CALN1: variants seen among roughly 807,000 people sequenced by gnomAD.
CALN1 encodes calcium-binding protein 8.
In CALN1, 17 loss-of-function variants were observed where a neutral mutation model predicts 30.6. The observed-to-expected ratio is 0.56, with a 90% confidence interval of 0.38 to 0.83. CALN1 has a LOEUF of 0.83. Ranked by LOEUF, CALN1 falls within the 40% of genes least tolerant of loss-of-function variation. CALN1 has a pLI of 0.00. For synonymous variants in CALN1, 156 were observed against 131.4 expected (o/e 1.19, Z -1.28); for missense variants, 291 against 354.9 (o/e 0.82, Z 1.45).
At chr7:72,167,293 T>C (rs79370458) in intron 3 of CALN1, among the ~76,000 whole-genome samples, 7 of 152,236 alleles carry the variant, frequency 4.6e-5, no homozygotes, top group Admixed American at 1.3e-4. Flanking sequence ...GAGAAAACAA[T>C]AGTAGATTGA....
chr7:72,360,568 A>T (rs945347062), intron 2 of CALN1, among the ~76,000 whole-genome samples: 1 of 151,644 alleles, frequency 6.6e-6, no homozygotes, highest in African/African-American at 2.4e-5. Context: ...CGATAGCATT[A>T]GATAGAGAAA....
the CALN1 span, among the ~76,000 whole-genome samples, chr7:72,463,921 G>A: frequency 7.9e-6 from 1 of 127,242 alleles, no homozygotes; most frequent in East Asian, 2.7e-4. Flanking sequence ...GAAGCCAGGA[G>A]TTCAAGATCA....
At chr7:72,240,180 T>C (rs1015314406) in intron 3 of CALN1, among the ~76,000 whole-genome samples, 3 of 147,832 alleles carry the variant, frequency 2.0e-5, no homozygotes, top group African/African-American at 5.2e-5. Context: ...CTCGAAACAC[T>C]TGGGGAAATT....
chr7:72,178,734 CTTTA>C (rs1789551354), intron 3 of CALN1, among the ~76,000 whole-genome samples: 1 of 151,886 alleles, frequency 6.6e-6, no homozygotes, highest in African/African-American at 2.4e-5. Flanking sequence ...CAAACTCCCG[CTTTA>C]TTTTTCACTT....
At chr7:72,187,993 G>T (rs1790322683) in intron 3 of CALN1, among the ~76,000 whole-genome samples, 1 of 152,154 alleles carries the variant, frequency 6.6e-6, no homozygotes, top group South Asian at 2.1e-4. Flanking sequence ...TGTGGATGCG[G>T]TGAAAAGGAA....
Position 71,810,358 on chromosome 7 carries a change from G to C in CALN1, c.636C>G (p.Asn212Lys). The C allele has an allele frequency of 6.2e-7, 1 of 1,614,052 alleles. No homozygotes were observed. Among genetic ancestry groups the C allele is most frequent in the Non-Finnish European group, 8.5e-7 (1 of 1,179,984 alleles). Residue 212 changes from asparagine (N) to lysine (K), a missense_variant, in exon 6 of 7, where the codon AAC becomes AAG. Physicochemically the swap from Asn to Lys is moderately conservative, Grantham distance 94. Transcript: ENST00000395275. The part of the protein sequence containing the change: ...EEESLNETSG[N>K]CQTEFEGVHS... ...TACCTCCTTCAAACTCTGTTTGGCA[G>C]TTCCCCGAGGTCTCATTCAGGCTCT... is the stretch of plus-strand genomic sequence containing the variant.
intron 2 of CALN1, among the ~76,000 whole-genome samples, chr7:72,350,222 T>C (rs188460027): frequency 2.0e-5 from 3 of 152,172 alleles, no homozygotes; most frequent in Admixed American, 6.5e-5. Flanking sequence ...GGAAAGCAGT[T>C]TGGAGATTAC....
intron 6 of CALN1, among the ~76,000 whole-genome samples, chr7:71,790,436 CAAGT>C (rs1217277999): frequency 3.3e-5 from 5 of 151,718 alleles, no homozygotes; most frequent in African/African-American, 4.8e-5. Flanking sequence ...AGCAAGCAAG[CAAGT>C]GGGCTTTGAT....
intron 2 of CALN1, among the ~76,000 whole-genome samples, chr7:72,317,217 GAGAA>G (rs1200449486): frequency 6.1e-5 from 8 of 130,228 alleles, no homozygotes; most frequent in African/African-American, 8.6e-5. Context: ...GGGAGGAAGA[GAGAA>G]AGAAAGAGAA....
At chr7:72,277,752 G>A (rs1348214237) in intron 3 of CALN1, among the ~76,000 whole-genome samples, 3 of 152,126 alleles carry the variant, frequency 2.0e-5, no homozygotes, top group East Asian at 1.9e-4. Flanking sequence ...CCTTCTGGGA[G>A]AAATGAGGCT....
At chr7:72,375,374 G>A (rs1166344819) in intron 2 of CALN1, among the ~76,000 whole-genome samples, 5 of 151,762 alleles carry the variant, frequency 3.3e-5, no homozygotes, top group African/African-American at 4.8e-5. Context: ...AACAGCCTGG[G>A]CAACATAGTA....
chr7:72,235,680 G>GC (rs1794430220), intron 3 of CALN1, among the ~76,000 whole-genome samples: 1 of 79,286 alleles, frequency 1.3e-5, no homozygotes, highest in South Asian at 4.9e-4. Flanking sequence ...CCCCACCCCC[G>GC]CCCCCCTAAC....
intron 5 of CALN1, among the ~76,000 whole-genome samples, chr7:71,889,944 G>T (rs1793140834): frequency 6.7e-6 from 1 of 148,812 alleles, no homozygotes. Context: ...CAGCCTGGGT[G>T]ACAGATCTAG....
intron 2 of CALN1, among the ~76,000 whole-genome samples, chr7:72,370,704 T>C (rs1289095250): frequency 6.6e-6 from 1 of 152,182 alleles, no homozygotes; most frequent in Non-Finnish European, 1.5e-5. Flanking sequence ...GACAAATTTT[T>C]TTTCTGAGTT....
At chr7:71,798,170 AGAGAG>A (rs1390573648) in intron 6 of CALN1, among the ~76,000 whole-genome samples, 6 of 141,358 alleles carry the variant, frequency 4.2e-5, no homozygotes, top group Admixed American at 2.1e-4. Flanking sequence ...AGAGAGAGAG[AGAGAG>A]ATGTTGCTTG....
At chr7:72,311,627 A>G (rs1269157048) in intron 2 of CALN1, among the ~76,000 whole-genome samples, 1 of 147,972 alleles carries the variant, frequency 6.8e-6, no homozygotes, top group African/African-American at 2.5e-5. Context: ...CTACAGGCAC[A>G]TGCCACCACA....
At chr7:72,441,758 T>C (rs1437776044) in intron 1 of CALN1, among the ~76,000 whole-genome samples, 1 of 152,072 alleles carries the variant, frequency 6.6e-6, no homozygotes, top group South Asian at 2.1e-4. Flanking sequence ...TGGTCATCTT[T>C]TTAACCTGTA....
intron 5 of CALN1, among the ~76,000 whole-genome samples, chr7:71,843,603 A>G (rs777085652): frequency 2.0e-4 from 31 of 152,162 alleles, no homozygotes; most frequent in Non-Finnish European, 3.4e-4. Flanking sequence ...AGACTGGGTG[A>G]CAGAGCAAGA....
At chr7:71,986,042 G>C (rs1798654627) in intron 5 of CALN1, among the ~76,000 whole-genome samples, 1 of 149,592 alleles carries the variant, frequency 6.7e-6, no homozygotes. Context: ...GCATCAACAT[G>C]GATAAATCTT....
Sources: gnomAD v4.1 joint callset for allele counts (sites outside exome capture counted in the v4.1 genomes callset) on GRCh38, gnomAD v4.1.1 for gene constraint, MANE v1.5 for transcripts, NCBI Gene and HGNC (gene_info 2026-07-23, HGNC 2026-07-21) for gene names.